TMEM38B: variants seen among roughly 807,000 people sequenced by gnomAD.
TMEM38B encodes trimeric intracellular cation channel type B.
Under a neutral mutation model 28.7 loss-of-function variants are expected in TMEM38B, and 24 were observed. That is an observed-to-expected ratio of 0.84 (90% CI 0.61 to 1.18). The LOEUF (loss-of-function observed/expected upper bound fraction) is 1.18, where lower values mean the gene tolerates loss of function less well. Ranked by LOEUF, TMEM38B falls within the 50% of genes most tolerant of loss-of-function variation. The pLI, the probability that TMEM38B is intolerant of heterozygous loss-of-function variation, is 0.00. For missense variants in TMEM38B, 380 were observed against 350.9 expected (o/e 1.08, Z -0.66); for synonymous variants, 131 against 127.7 (o/e 1.03, Z -0.17).
At chr9:105,728,820 T>C (rs1030743436) in intron 4 of TMEM38B, among the ~76,000 whole-genome samples, 1 of 152,226 alleles carries the variant, frequency 6.6e-6, no homozygotes, top group East Asian at 1.9e-4. Context: ...TGCATTTCTC[T>C]CATGACCAGT....
At chr9:105,723,801 T>A in intron 4 of TMEM38B, among the ~76,000 whole-genome samples, 1 of 152,114 alleles carries the variant, frequency 6.6e-6, no homozygotes, top group South Asian at 2.1e-4. Flanking sequence ...GGGGCAGGGA[T>A]TACAGGCATG....
intron 5 of TMEM38B, chr9:105,758,673 C>A: frequency 1.3e-6 from 1 of 764,884 alleles, no homozygotes; most frequent in Non-Finnish European, 2.4e-6. Flanking sequence ...AACTCTGCCA[C>A]GAAGACATCC....
Position 105,721,684 on chromosome 9 carries a change from T to C in TMEM38B, c.417T>C (p.Asn139=), listed in dbSNP as rs114107985. ...CACATGCTAATAGCTATTACAAAAA[T>C]GGCTGGATAGTCATGATAGCTATTG... ...GVTHANSYYK[N]GWIVMIAIGW... is the part of the protein sequence containing the mutation. Residue 139 remains asparagine (N), a synonymous_variant, in exon 3 of 6, where the codon AAT becomes AAC. Coordinates refer to ENST00000374692, the MANE Select transcript of TMEM38B (RefSeq NM_018112.3). The C allele has an allele frequency of 1.7e-3, 2,698 of 1,613,218 alleles. 50 individuals are homozygous for C. The African/African-American group carries it at 0.032, about 19-fold the overall frequency.
rs2133664060 is a variant in TMEM38B, at chr9:105,776,582, C to A, written c.*2502C>A. 1 of 152,224 alleles carries A rather than the reference C, an allele frequency of 6.6e-6. No individual in the cohort carries two copies. The highest frequency in any genetic ancestry group is 6.5e-5 in the Admixed American group (1 of 15,286). 9.4% of individuals were successfully genotyped at this position (152,224 alleles called of 1,614,324 possible). A position where few individuals can be genotyped will look rare whatever the true frequency, so the allele number is the denominator to read the frequency against. On this transcript the variant is annotated 3_prime_UTR_variant, in exon 6 of 6. Coordinates refer to ENST00000374692, the MANE Select transcript of TMEM38B (RefSeq NM_018112.3). ...GAATAATGTGTTCAGAATGCTCTTTCTTTCCCCCAATAAAGCCCTTTATAG... is the reference window on the plus strand; with the variant it reads ...GAATAATGTGTTCAGAATGCTCTTTATTTCCCCCAATAAAGCCCTTTATAG...
intron 5 of TMEM38B, among the ~76,000 whole-genome samples, chr9:105,751,213 G>T (rs1837635810): frequency 6.6e-6 from 1 of 152,210 alleles, no homozygotes; most frequent in African/African-American, 2.4e-5. Flanking sequence ...TAGGCAGACA[G>T]CTTAACCCAT....
chr9:105,710,597 A>G, intron 2 of TMEM38B: 1 of 811,538 alleles, frequency 1.2e-6, no homozygotes, highest in Admixed American at 1.7e-5. Flanking sequence ...AGCATCAGGA[A>G]CACCCTCAAA....
chr9:105,747,895 GT>G (rs750939023), intron 4 of TMEM38B, among the ~76,000 whole-genome samples, 177 bp from the exon 5 acceptor site: 5 of 152,062 alleles, frequency 3.3e-5, no homozygotes, highest in Non-Finnish European at 7.4e-5. Flanking sequence ...TTTTGAGTGA[GT>G]TTCTTAATCC....
At position 105,730,587 on chromosome 9, in the gene TMEM38B, G is replaced by A. The variant is rs377202287; in HGVS notation, c.542+7966G>A. Among the ~76,000 whole-genome samples, 10 of 152,302 alleles carry A rather than the reference G, an allele frequency of 6.6e-5. No homozygotes were observed. The East Asian group carries it at 1.5e-3, about 24-fold the overall frequency. On this transcript the variant is annotated intron_variant, in intron 4 of 5. Coordinates refer to ENST00000374692, the MANE Select transcript of TMEM38B (RefSeq NM_018112.3). ...GGATGATGCTGGCCTCATAAAATGAGTTAGGGAGGATTCCCTCTTTTTCTG... is the reference window on the plus strand; with the variant it reads ...GGATGATGCTGGCCTCATAAAATGAATTAGGGAGGATTCCCTCTTTTTCTG...
At chr9:105,719,938 A>T (rs1475810049) in intron 2 of TMEM38B, among the ~76,000 whole-genome samples, 1 of 152,082 alleles carries the variant, frequency 6.6e-6, no homozygotes, top group Admixed American at 6.5e-5. Context: ...TTAAGTGTGT[A>T]TACTTTTCCC....
chr9:105,734,217 A>T (rs980790440), intron 4 of TMEM38B, among the ~76,000 whole-genome samples: 1 of 152,084 alleles, frequency 6.6e-6, no homozygotes, highest in Non-Finnish European at 1.5e-5. Flanking sequence ...GCCCAGGAGC[A>T]TCCTGTTTAA....
At chr9:105,735,059 A>T (rs113026139) in intron 4 of TMEM38B, among the ~76,000 whole-genome samples, 1 of 151,716 alleles carries the variant, frequency 6.6e-6, no homozygotes, top group Non-Finnish European at 1.5e-5. Flanking sequence ...TAATTTGCAT[A>T]TTTACTGTAT....
intron 5 of TMEM38B, among the ~76,000 whole-genome samples, chr9:105,748,675 T>G (rs970080546): frequency 6.6e-6 from 1 of 152,190 alleles, no homozygotes; most frequent in Non-Finnish European, 1.5e-5. Context: ...CAAATCCCAG[T>G]TTTGCTGCCT....
At chr9:105,730,841 GTTTA>G (rs1836713959) in intron 4 of TMEM38B, among the ~76,000 whole-genome samples, 1 of 152,170 alleles carries the variant, frequency 6.6e-6, no homozygotes, top group Non-Finnish European at 1.5e-5. Context: ...AGATTTTCTA[GTTTA>G]TTTGAGTAGA....
chr9:105,760,092 T>C, intron 5 of TMEM38B: 1 of 943,874 alleles, frequency 1.1e-6, no homozygotes, highest in Non-Finnish European at 1.7e-6. Flanking sequence ...TGCTGCAACC[T>C]CATTTAGAGA....
intron 2 of TMEM38B, chr9:105,710,366 T>C (rs1835855678): frequency 2.6e-6 from 2 of 763,600 alleles, no homozygotes; most frequent in Non-Finnish European, 4.5e-6. Context: ...TGATCTTCTA[T>C]AGTTGTTATG....
At chr9:105,747,987 G>C in intron 4 of TMEM38B, 86 bp from the exon 5 acceptor site, 1 of 851,822 alleles carries the variant, frequency 1.2e-6, no homozygotes, top group Non-Finnish European at 1.9e-6. Context: ...AACCCATTAA[G>C]TTAATGTTTT....
At position 105,773,948 on chromosome 9, in the gene TMEM38B, G is replaced by T; in HGVS notation, c.744G>T (p.Gln248His). Residue 248 changes from glutamine to histidine, a missense_variant, in exon 6 of 6, where the codon CAG becomes CAT. Transcript: ENST00000374692. ...TGAGTTGGATGCTATTTGGCTGGCA[G>T]CAGCCGTTTTCATCATGTGAGAAGA... ...DTLSWMLFGW[Q>H]QPFSSCEKKS... 2 of 1,613,748 alleles carry T rather than the reference G, an allele frequency of 1.2e-6. No homozygotes were observed. The highest frequency in any genetic ancestry group is 1.7e-6 in the Non-Finnish European group (2 of 1,179,774).
intron 5 of TMEM38B, among the ~76,000 whole-genome samples, chr9:105,768,008 A>G (rs1035455683): frequency 6.6e-6 from 1 of 152,008 alleles, no homozygotes. Context: ...TTTGTTTGTG[A>G]CCTTAGTGGG....
chr9:105,727,825 T>C (rs1836572201), intron 4 of TMEM38B, among the ~76,000 whole-genome samples: 1 of 152,154 alleles, frequency 6.6e-6, no homozygotes, highest in South Asian at 2.1e-4. Flanking sequence ...TTTATTACCA[T>C]CCTCTTGTGA....
Sources: gnomAD v4.1 joint callset for allele counts (sites outside exome capture counted in the v4.1 genomes callset) on GRCh38, gnomAD v4.1.1 for gene constraint, MANE v1.5 for transcripts, NCBI Gene and HGNC (gene_info 2026-07-23, HGNC 2026-07-21) for gene names.